RPS6KC1: variants seen among roughly 807,000 people sequenced by gnomAD.
The protein encoded by RPS6KC1 is ribosomal protein S6 kinase C1, also known as inactive ribosomal protein S6 kinase delta-1.
RPS6KC1 carries 54 observed loss-of-function variants against 103.8 expected under a neutral mutation model. That is an observed-to-expected ratio of 0.52 (90% CI 0.42 to 0.65). The LOEUF is 0.65. RPS6KC1 is among the 30% of genes least tolerant of loss of function. RPS6KC1 has a pLI of 0.00. For synonymous variants in RPS6KC1, 439 were observed against 438.7 expected (o/e 1.00, Z -0.01); for missense variants, 1,151 against 1,253.8 (o/e 0.92, Z 1.24).
At chr1:213,771,062 C>T in the RPS6KC1 span, among the ~76,000 whole-genome samples, 1 of 152,150 alleles carries the variant, frequency 6.6e-6, no homozygotes, top group Non-Finnish European at 1.5e-5. Flanking sequence ...TGTTTCTCTC[C>T]CTTCTTTTCT....
chr1:213,521,250 G>T, the RPS6KC1 span, among the ~76,000 whole-genome samples: 1 of 152,028 alleles, frequency 6.6e-6, no homozygotes, highest in Non-Finnish European at 1.5e-5. Context: ...TGAATTTTTT[G>T]GTTTCCCAGT....
the RPS6KC1 span, among the ~76,000 whole-genome samples, chr1:213,664,770 T>C: frequency 1.3e-5 from 2 of 152,214 alleles, no homozygotes; most frequent in African/African-American, 4.8e-5. Context: ...ATAATTAAGA[T>C]CTTTAGTATG....
the RPS6KC1 span, among the ~76,000 whole-genome samples, chr1:213,799,719 T>C: frequency 6.6e-6 from 1 of 152,134 alleles, no homozygotes; most frequent in Non-Finnish European, 1.5e-5. Flanking sequence ...ATAAAAATCA[T>C]TCTGTTGTGG....
At chr1:213,118,683 TGGTTAG>T (rs1181142734) in intron 5 of RPS6KC1, among the ~76,000 whole-genome samples, 1 of 151,572 alleles carries the variant, frequency 6.6e-6, no homozygotes, top group African/African-American at 2.4e-5. Context: ...TATTGAGAAG[TGGTTAG>T]CTTTTATTCT....
the RPS6KC1 span, among the ~76,000 whole-genome samples, chr1:213,561,319 C>T: frequency 2.0e-5 from 3 of 152,112 alleles, no homozygotes; most frequent in African/African-American, 4.8e-5. Context: ...AGCCATAAAC[C>T]ATTGTAATAG....
At chr1:213,788,357 T>C in the RPS6KC1 span, among the ~76,000 whole-genome samples, 1 of 152,168 alleles carries the variant, frequency 6.6e-6, no homozygotes, top group Non-Finnish European at 1.5e-5. Flanking sequence ...GCATACAAAC[T>C]GTTAATGTTA....
chr1:213,231,343 A>G (rs1279256935), intron 9 of RPS6KC1, among the ~76,000 whole-genome samples: 2 of 152,206 alleles, frequency 1.3e-5, no homozygotes, highest in African/African-American at 4.8e-5. Flanking sequence ...GATTCTATAC[A>G]TAATGCAATT....
chr1:213,092,258 G>C (rs992619055), intron 3 of RPS6KC1, among the ~76,000 whole-genome samples: 13 of 152,216 alleles, frequency 8.5e-5, no homozygotes, highest in Middle Eastern at 3.4e-3. Context: ...ATATACACAG[G>C]GTGTTCATTG....
chr1:213,051,899 A>C, intron 1 of RPS6KC1, among the ~76,000 whole-genome samples: 1 of 152,186 alleles, frequency 6.6e-6, no homozygotes, highest in Non-Finnish European at 1.5e-5. Flanking sequence ...TGGCTTATGT[A>C]ATATAAGTTG....
At chr1:213,323,285 C>T in the RPS6KC1 span, among the ~76,000 whole-genome samples, 1 of 152,064 alleles carries the variant, frequency 6.6e-6, no homozygotes, top group Non-Finnish European at 1.5e-5. Context: ...CATAGGGTAA[C>T]ATATTCACAA....
the RPS6KC1 span, among the ~76,000 whole-genome samples, chr1:213,582,775 T>G: frequency 6.6e-6 from 1 of 152,238 alleles, no homozygotes; most frequent in Non-Finnish European, 1.5e-5. Flanking sequence ...AGTTATAATT[T>G]ATTTACAATA....
At chr1:213,356,103 C>T in the RPS6KC1 span, among the ~76,000 whole-genome samples, 1 of 152,144 alleles carries the variant, frequency 6.6e-6, no homozygotes, top group Non-Finnish European at 1.5e-5. Flanking sequence ...CAAAGATAGA[C>T]GAGGTCCCTG....
At chr1:213,595,429 T>G in the RPS6KC1 span, among the ~76,000 whole-genome samples, 2 of 152,150 alleles carry the variant, frequency 1.3e-5, no homozygotes, top group African/African-American at 4.8e-5. Flanking sequence ...GAGGAAAAGG[T>G]GATGAAACAG....
At chr1:213,785,305 C>T in the RPS6KC1 span, among the ~76,000 whole-genome samples, 2 of 152,108 alleles carry the variant, frequency 1.3e-5, no homozygotes, top group Non-Finnish European at 2.9e-5. Context: ...GGACACCTCA[C>T]AGACCTTTAG....
At chr1:213,445,187 CT>C in the RPS6KC1 span, among the ~76,000 whole-genome samples, 1 of 152,122 alleles carries the variant, frequency 6.6e-6, no homozygotes, top group African/African-American at 2.4e-5. Context: ...GCACTTCATT[CT>C]TTTTATGGCT....
At chr1:213,320,916 C>G in the RPS6KC1 span, among the ~76,000 whole-genome samples, 1 of 152,200 alleles carries the variant, frequency 6.6e-6, no homozygotes, top group Non-Finnish European at 1.5e-5. Flanking sequence ...TTCCCCTGCT[C>G]TGTTTCTCAT....
chr1:213,621,528 G>A, the RPS6KC1 span, among the ~76,000 whole-genome samples: 5 of 152,060 alleles, frequency 3.3e-5, no homozygotes, highest in Non-Finnish European at 4.4e-5. Flanking sequence ...TAAAGTGCTC[G>A]GAATTAAGGA....
the RPS6KC1 span, among the ~76,000 whole-genome samples, chr1:213,565,085 A>G: frequency 1.3e-5 from 2 of 152,236 alleles, no homozygotes; most frequent in East Asian, 3.8e-4. Flanking sequence ...TGAGTGACAT[A>G]CTACTAAACT....
the RPS6KC1 span, among the ~76,000 whole-genome samples, chr1:213,354,953 C>T: frequency 6.6e-6 from 1 of 152,192 alleles, no homozygotes; most frequent in African/African-American, 2.4e-5. Context: ...TGCAGTGGCT[C>T]ACACCTGTAA....
Sources: allele counts gnomAD v4.1 joint callset (sites outside exome capture counted in the v4.1 genomes callset), GRCh38; gene constraint gnomAD v4.1.1; transcripts MANE v1.5; gene names NCBI Gene and HGNC (gene_info 2026-07-23, HGNC 2026-07-21).